The following JADE2 variants were observed in gnomAD, a reference collection of about 807,000 sequenced individuals.
JADE2 encodes the protein E3 ubiquitin-protein ligase Jade-2.
In JADE2, 13 loss-of-function variants were observed where a neutral mutation model predicts 85.7. That is an observed-to-expected ratio of 0.15 (90% CI 0.10 to 0.24). The LOEUF is 0.24. Ranked by LOEUF, JADE2 falls within the 10% of genes least tolerant of loss-of-function variation. The probability of loss-of-function intolerance (pLI) is 1.00; values close to 1 mark genes in which losing one functional copy is unlikely to be tolerated. For missense variants in JADE2, 846 were observed against 1,115.9 expected, an observed-to-expected ratio of 0.76 and a Z score of 3.45; for synonymous variants, 440 against 456.1, an observed-to-expected ratio of 0.96 and a Z score of 0.45.
chr5:134,567,681 A>G (rs1763733701), intron 9 of JADE2, among the ~76,000 whole-genome samples: 2 of 152,184 alleles, frequency 1.3e-5, no homozygotes, highest in Non-Finnish European at 2.9e-5. Flanking sequence ...TGGGTAGAAC[A>G]TCTCCAGGGG....
chr5:134,540,697 T>C (rs1761915685), intron 3 of JADE2, among the ~76,000 whole-genome samples: 1 of 152,274 alleles, frequency 6.6e-6, no homozygotes, highest in South Asian at 2.1e-4. Context: ...ATCTCCTGTT[T>C]GTTGTAGCTG....
chr5:134,555,450 G>A, intron 4 of JADE2, among the ~76,000 whole-genome samples: 1 of 152,254 alleles, frequency 6.6e-6, no homozygotes, highest in Non-Finnish European at 1.5e-5. Flanking sequence ...GTCAGTCCAT[G>A]CCTGGTAGGA....
chr5:134,561,879 A>G (rs1205894282), intron 6 of JADE2, among the ~76,000 whole-genome samples: 1 of 152,032 alleles, frequency 6.6e-6, no homozygotes, highest in African/African-American at 2.4e-5. Context: ...ACTTAAAGGG[A>G]TTCTTGGACT....
At chr5:134,531,410 A>G (rs972069949) in intron 1 of JADE2, among the ~76,000 whole-genome samples, 18 of 152,132 alleles carry the variant, frequency 1.2e-4, no homozygotes, top group African/African-American at 4.3e-4. Context: ...GGGGCATGAT[A>G]TGATCTGATT....
chr5:134,546,755 G>A (rs904445357), intron 3 of JADE2, among the ~76,000 whole-genome samples: 3 of 149,108 alleles, frequency 2.0e-5, no homozygotes, highest in Non-Finnish European at 4.5e-5. Flanking sequence ...GTGACAGAAC[G>A]AGACACCGTC....
intron 3 of JADE2, among the ~76,000 whole-genome samples, chr5:134,539,131 G>A (rs1453606042): frequency 1.3e-5 from 2 of 151,228 alleles, no homozygotes; most frequent in East Asian, 1.9e-4. Context: ...GCGTGATCTC[G>A]GCTCACTGCA....
chr5:134,572,293 C>T (rs1764076995), intron 9 of JADE2, among the ~76,000 whole-genome samples: 1 of 152,180 alleles, frequency 6.6e-6, no homozygotes, highest in Non-Finnish European at 1.5e-5. Flanking sequence ...TGAGGGCGCA[C>T]ACACCAGCGT....
At position 134,525,743 on chromosome 5, in the gene JADE2, G is replaced by A. The variant is rs1435501178; in HGVS notation, c.-269G>A. On this transcript the variant is annotated 5_prime_UTR_variant, in exon 1 of 12. The change creates a new upstream start codon in the 5' untranslated region. Coordinates refer to ENST00000681547, the MANE Select transcript of JADE2 (RefSeq NM_001388185.1). ...AGTTGGAGGCTATTTTTTGGGGGGGGTGAGTAGCGTCCATGGAGTTACTTT... is the reference window on the plus strand; with the variant it reads ...AGTTGGAGGCTATTTTTTGGGGGGGATGAGTAGCGTCCATGGAGTTACTTT... The A allele has an allele frequency of 1.3e-5, 16 of 1,226,486 alleles. No individual in the cohort carries two copies. The highest frequency in any genetic ancestry group is 4.5e-4 in the Middle Eastern group (2 of 4,404). 76.0% of individuals were successfully genotyped at this position (1,226,486 alleles called of 1,614,324 possible). A position where few individuals can be genotyped will look rare whatever the true frequency, so the allele number is the denominator to read the frequency against.
rs767947796 is a variant in JADE2 at position 134,578,959 on chromosome 5, G to GC, written c.2153dup (p.Pro719AlafsTer5). 1 of 1,597,100 alleles carries GC rather than the reference G, an allele frequency of 6.3e-7. No homozygotes were observed. The highest frequency in any genetic ancestry group is 1.1e-5 in the South Asian group (1 of 88,052). On this transcript the variant is annotated frameshift_variant, in exon 12 of 12. Coordinates refer to ENST00000681547, the MANE Select transcript of JADE2 (RefSeq NM_001388185.1). LOFTEE classifies it high-confidence loss of function. The surrounding 1 kb of genome is among the most constrained non-coding windows in gnomAD (Gnocchi z 4.4). The stretch of plus-strand genomic sequence containing the variant: ...TGTCCCATCCTAGCCACCCCTGAAA[G>GC]CCCCCCGCCACTGGCCCCTGAGACC...
chr5:134,560,615 C>T, intron 5 of JADE2, 131 bp from the exon 6 acceptor site: 2 of 729,076 alleles, frequency 2.7e-6, no homozygotes, highest in Non-Finnish European at 2.3e-6. Context: ...CTCCCAGGTC[C>T]AACAGTGGGT....
chr5:134,533,710 G>T, intron 1 of JADE2: 1 of 194,052 alleles, frequency 5.2e-6, no homozygotes, highest in Non-Finnish European at 9.0e-6. Flanking sequence ...TCAGGATTCT[G>T]TCAGTCAGCC....
intron 9 of JADE2, among the ~76,000 whole-genome samples, chr5:134,572,578 A>G (rs1764102897): frequency 6.6e-6 from 1 of 152,350 alleles, no homozygotes; most frequent in East Asian, 1.9e-4. Flanking sequence ...TCCCAGCTGG[A>G]AAGACCCTGG....
rs144699278 is a variant in JADE2 at position 134,562,928 on chromosome 5, G to C, written c.852+561G>C. On this transcript the variant is annotated intron_variant, in intron 7 of 11. Transcript: ENST00000681547. This position sits in a 1 kb window ranked among gnomAD's most constrained non-coding sequence, Gnocchi z 4.6. ...GACCGCTAGGAGATTTCAGGAGATA[G>C]GGATGAGGTCTGGACAGAAGTCAGG... is the stretch of plus-strand genomic sequence containing the variant. Among the ~76,000 whole-genome samples, 307 of 152,324 alleles carry C rather than the reference G, an allele frequency of 2.0e-3. 1 individual carries two copies. Among genetic ancestry groups the C allele is most frequent in the Non-Finnish European group, 3.6e-3 (243 of 68,020 alleles).
intron 7 of JADE2, among the ~76,000 whole-genome samples, chr5:134,563,314 TA>T (rs397966244): frequency 1.8e-3 from 248 of 140,098 alleles, no homozygotes; most frequent in Middle Eastern, 7.1e-3. Flanking sequence ...TGAGACTGTT[TA>T]AAAAAAAAAA....
chr5:134,575,112 C>CCAGA (rs1764272702), intron 10 of JADE2: 1 of 152,304 alleles, frequency 6.6e-6, no homozygotes, highest in African/African-American at 2.4e-5. Flanking sequence ...CACATCCCCA[C>CCAGA]ATTGGTTCTG....
intron 1 of JADE2, among the ~76,000 whole-genome samples, chr5:134,527,880 C>T (rs1760967322): frequency 6.6e-6 from 1 of 152,296 alleles, no homozygotes; most frequent in Middle Eastern, 3.4e-3. Flanking sequence ...ACACTGCGGC[C>T]GGCGATTCTG....
At chr5:134,559,418 T>C (rs1345126442) in intron 4 of JADE2, among the ~76,000 whole-genome samples, 2 of 152,200 alleles carry the variant, frequency 1.3e-5, no homozygotes, top group Non-Finnish European at 2.9e-5. Flanking sequence ...GCATTGCCCA[T>C]GATGGCACAT....
intron 8 of JADE2, among the ~76,000 whole-genome samples, chr5:134,565,759 G>A (rs768389843): frequency 2.0e-5 from 3 of 151,770 alleles, no homozygotes; most frequent in Admixed American, 6.6e-5. Flanking sequence ...CTTGAACCTG[G>A]GAAGCGGAGG....
intron 3 of JADE2, among the ~76,000 whole-genome samples, chr5:134,542,820 C>A (rs1379966844): frequency 6.6e-6 from 1 of 151,794 alleles, no homozygotes; most frequent in East Asian, 1.9e-4. Context: ...GCAACCTCCA[C>A]CTCCTGGGTT....
Sources: allele counts gnomAD v4.1 joint callset (sites outside exome capture counted in the v4.1 genomes callset), GRCh38; gene constraint gnomAD v4.1.1; non-coding constraint Gnocchi (gnomAD v3.1); transcripts MANE v1.5; gene names NCBI Gene and HGNC (gene_info 2026-07-23, HGNC 2026-07-21).